TNNI3K: variants seen among roughly 807,000 people sequenced by gnomAD.
The protein encoded by TNNI3K is TNNI3 interacting kinase, also known as serine/threonine-protein kinase TNNI3K.
In TNNI3K, 140 loss-of-function variants were observed where a neutral mutation model predicts 114.5. The ratio of observed to expected loss-of-function variants is 1.22; its 90% CI spans 1.07 to 1.41. The LOEUF (loss-of-function observed/expected upper bound fraction) is 1.41, where lower values mean the gene tolerates loss of function less well. Ranked by LOEUF, TNNI3K falls within the 40% of genes most tolerant of loss-of-function variation. The pLI is 0.00. For missense variants in TNNI3K, 1,125 were observed against 1,007.6 expected (o/e 1.12, Z -1.58); for synonymous variants, 347 against 347.5 (o/e 1.00, Z 0.02).
intron 5 of TNNI3K, among the ~76,000 whole-genome samples, chr1:74,307,967 A>G (rs1658753897): frequency 6.6e-6 from 1 of 151,938 alleles, no homozygotes; most frequent in Non-Finnish European, 1.5e-5. Context: ...ATGTAAAAAT[A>G]TATATATAAT....
In TNNI3K at chr1:74,362,393, C is replaced by G. The variant is rs186745125; in HGVS notation, c.1178-4863C>G. ...TCCTTCTGTAACTGAGACTAAATCTCCATGTTCTCTATACAGCCGTGAACC... is the reference window on the plus strand; with the variant it reads ...TCCTTCTGTAACTGAGACTAAATCTGCATGTTCTCTATACAGCCGTGAACC... On this transcript the variant is annotated intron_variant, in intron 11 of 24. Coordinates refer to ENST00000326637, the MANE Select transcript of TNNI3K (RefSeq NM_015978.3). Among the ~76,000 whole-genome samples the G allele has an allele frequency of 1.4e-3, 215 of 152,212 alleles. 1 individual carries two copies. The highest frequency in any genetic ancestry group is 2.8e-3 in the Non-Finnish European group (189 of 68,002).
chr1:74,521,927 G>T lies in TNNI3K; in HGVS notation c.2352-18307G>T, dbSNP rs1381455888. On this transcript the variant is annotated intron_variant, in intron 23 of 24. Coordinates refer to ENST00000326637, the MANE Select transcript of TNNI3K (RefSeq NM_015978.3). ...TCATAACTACTCAAAAGCCCAGAGT[G>T]ATTCTGGGGCTGCATCCAACTGTTG... 3.3e-5 allele frequency among the ~76,000 whole-genome samples: 5 copies of T among 152,310 alleles called. No individual in the cohort carries two copies. The East Asian group carries it at 7.7e-4, about 23-fold the overall frequency.
In TNNI3K at chr1:74,378,169, CA is replaced by C. The variant is rs1395561619; in HGVS notation, c.1772+7781del. Among the ~76,000 whole-genome samples, 6 of 151,842 alleles carry C rather than the reference CA, an allele frequency of 4.0e-5. No homozygotes were observed. The East Asian group carries it at 9.7e-4, about 25-fold the overall frequency. ...CCTGTAGTTCTGAAATGTTTATGTCCAAAATTGTAATCTGATTTCAGATTTT... is the reference window on the plus strand; with the variant it reads ...CCTGTAGTTCTGAAATGTTTATGTCCAAATTGTAATCTGATTTCAGATTTT... On this transcript the variant is annotated intron_variant, in intron 17 of 24. Coordinates refer to ENST00000326637, the MANE Select transcript of TNNI3K (RefSeq NM_015978.3).
chr1:74,241,249 T>A (rs1352855312), intron 2 of TNNI3K, among the ~76,000 whole-genome samples: 3 of 152,238 alleles, frequency 2.0e-5, no homozygotes, highest in African/African-American at 4.8e-5. Flanking sequence ...TACATGTGCA[T>A]GTGACTTTAT....
At chr1:74,258,335 C>T (rs1480729156) in intron 4 of TNNI3K, among the ~76,000 whole-genome samples, 1 of 152,166 alleles carries the variant, frequency 6.6e-6, no homozygotes, top group African/African-American at 2.4e-5. Context: ...AATATCAGAA[C>T]TCTCATTTAC....
chr1:74,518,127 C>G (rs901087276), intron 23 of TNNI3K, among the ~76,000 whole-genome samples: 1 of 151,978 alleles, frequency 6.6e-6, no homozygotes, highest in African/African-American at 2.4e-5. Flanking sequence ...CCAGGTAAGT[C>G]AAGAAGAAGC....
chr1:74,361,970 C>T (rs1661992111), intron 11 of TNNI3K, among the ~76,000 whole-genome samples: 1 of 152,094 alleles, frequency 6.6e-6, no homozygotes, highest in African/African-American at 2.4e-5. Context: ...CTGGGGCCTG[C>T]TGATTAAGGA....
At chr1:74,420,872 G>T (rs895391440) in intron 17 of TNNI3K, among the ~76,000 whole-genome samples, 1 of 152,022 alleles carries the variant, frequency 6.6e-6, no homozygotes, top group South Asian at 2.1e-4. Flanking sequence ...TATCTATATT[G>T]TCAGGAATTT....
Position 74,353,284 on chromosome 1 carries a change from G to A in TNNI3K, c.951G>A (p.Lys317=). The change falls in exon 10 of 25, where the codon AAG becomes AAA. Residue 317 remains lysine (K), a synonymous_variant. Coordinates refer to ENST00000326637, the MANE Select transcript of TNNI3K (RefSeq NM_015978.3). ...TTTTCAGTGCTTGTACCTATGGCAAGAGCATTGACCTAGTCAAATTTCTTC... is the reference window on the plus strand; with the variant it reads ...TTTTCAGTGCTTGTACCTATGGCAAAAGCATTGACCTAGTCAAATTTCTTC... ...TAFHSACTYG[K]SIDLVKFLLD... is the part of the protein sequence containing the mutation. 1 of 1,613,456 alleles carries A rather than the reference G, an allele frequency of 6.2e-7. No homozygotes were observed. Among genetic ancestry groups the A allele is most frequent in the Non-Finnish European group, 8.5e-7 (1 of 1,179,828 alleles).
At chr1:74,425,997 G>A (rs908612918) in intron 17 of TNNI3K, among the ~76,000 whole-genome samples, 1 of 27,580 alleles carries the variant, frequency 3.6e-5, no homozygotes, top group Non-Finnish European at 6.6e-5. Context: ...GAAAGGTTCA[G>A]TGAATTTAAA....
At chr1:74,369,622 C>A (rs1394274430) in intron 16 of TNNI3K, 37 bp downstream of exon 16, 1 of 1,530,266 alleles carries the variant, frequency 6.5e-7, no homozygotes, top group Admixed American at 2.1e-5. Context: ...CTTGGACATT[C>A]CGTAGAAACT....
intron 5 of TNNI3K, among the ~76,000 whole-genome samples, chr1:74,309,347 C>T (rs555386454): frequency 4.0e-4 from 33 of 83,410 alleles, no homozygotes; most frequent in Non-Finnish European, 6.3e-4. Context: ...CCAGCCTGGG[C>T]GACAGCGAGA....
chr1:74,369,416 A>G lies in TNNI3K; in HGVS notation c.1498A>G (p.Lys500Glu), dbSNP rs2100520455. 1 of 1,611,432 alleles carries G rather than the reference A, an allele frequency of 6.2e-7. No homozygotes were observed. The highest frequency in any genetic ancestry group is 8.5e-7 in the Non-Finnish European group (1 of 1,178,696). Reference sequence around the variant, plus strand: ...TTATCGAGCCAATACCTACTGCTCCAAGTCAGATGTGGATATGTTTTGCCG... The same window carrying G: ...TTATCGAGCCAATACCTACTGCTCCGAGTCAGATGTGGATATGTTTTGCCG... Reference protein sequence around the residue: ...KRYRANTYCSKSDVDMFCREV... With the variant: ...KRYRANTYCSESDVDMFCREV... The change falls in exon 16 of 25, where the codon AAG becomes GAG. Residue 500 changes from lysine (K) to glutamate (E), a missense_variant. Transcript: ENST00000326637.
chr1:74,478,880 A>G (rs1668337527), intron 21 of TNNI3K, among the ~76,000 whole-genome samples: 1 of 152,228 alleles, frequency 6.6e-6, no homozygotes, highest in Non-Finnish European at 1.5e-5. Flanking sequence ...ATTTCTTAGC[A>G]CATACAATTA....
intron 5 of TNNI3K, among the ~76,000 whole-genome samples, chr1:74,275,939 C>A (rs575463543): frequency 1.3e-5 from 2 of 151,986 alleles, no homozygotes; most frequent in East Asian, 3.9e-4. Flanking sequence ...GTGATTTTTC[C>A]CCCATAGGAA....
At chr1:74,418,746 G>GA (rs145312467) in intron 17 of TNNI3K, among the ~76,000 whole-genome samples, 3,281 of 146,320 alleles carry the variant, frequency 0.022, 107 homozygotes, top group African/African-American at 0.072. Context: ...AGATGTTCAA[G>GA]AAAAAAAAAA....
At chr1:74,242,086 T>A (rs1654268201) in intron 2 of TNNI3K, among the ~76,000 whole-genome samples, 1 of 152,108 alleles carries the variant, frequency 6.6e-6, no homozygotes, top group South Asian at 2.1e-4. Context: ...CCTGACCTCG[T>A]GATCTGCCCA....
chr1:74,503,419 T>G (rs188613455), intron 23 of TNNI3K, among the ~76,000 whole-genome samples: 149 of 152,356 alleles, frequency 9.8e-4, no homozygotes, highest in African/African-American at 3.3e-3. Flanking sequence ...TAGTGCTTAT[T>G]GGAACATTAT....
chr1:74,431,182 G>A (rs1351025980), intron 17 of TNNI3K, among the ~76,000 whole-genome samples: 1 of 151,994 alleles, frequency 6.6e-6, no homozygotes. Flanking sequence ...GAGAAAAAGA[G>A]TCTCAAAAAG....
Sources: gnomAD v4.1 joint callset for allele counts (sites outside exome capture counted in the v4.1 genomes callset) on GRCh38, gnomAD v4.1.1 for gene constraint, MANE v1.5 for transcripts, NCBI Gene and HGNC (gene_info 2026-07-23, HGNC 2026-07-21) for gene names.